TMEM108: variants seen among roughly 807,000 people sequenced by gnomAD.
TMEM108 encodes the protein cancer/testis antigen 124.
Under a neutral mutation model 35.1 loss-of-function variants are expected in TMEM108, and 12 were observed. That is an observed-to-expected ratio of 0.34 (90% CI 0.22 to 0.55). The LOEUF (loss-of-function observed/expected upper bound fraction) is 0.55, where lower values mean the gene tolerates loss of function less well. Ranked by LOEUF, TMEM108 falls within the 20% of genes least tolerant of loss-of-function variation. TMEM108 has a pLI of 0.89. For missense variants in TMEM108, 680 were observed against 753.3 expected, an observed-to-expected ratio of 0.90 and a Z score of 1.14; for synonymous variants, 287 against 308.6, an observed-to-expected ratio of 0.93 and a Z score of 0.73.
intron 2 of TMEM108, among the ~76,000 whole-genome samples, chr3:133,175,849 A>G (rs1210610206): frequency 1.3e-5 from 2 of 152,254 alleles, no homozygotes; most frequent in African/African-American, 2.4e-5. Flanking sequence ...AATGGGCTAA[A>G]TGCTTCAATT....
At chr3:133,127,654 T>TA (rs1944434504) in intron 2 of TMEM108, among the ~76,000 whole-genome samples, 1 of 152,202 alleles carries the variant, frequency 6.6e-6, no homozygotes, top group African/African-American at 2.4e-5. Flanking sequence ...AGGCTCCTCT[T>TA]GTCTTCCACT....
intron 2 of TMEM108, among the ~76,000 whole-genome samples, chr3:133,175,106 T>C (rs1945196933): frequency 6.6e-6 from 1 of 151,824 alleles, no homozygotes; most frequent in African/African-American, 2.4e-5. Context: ...TGAAATGAAG[T>C]GAGAAGGGAA....
intron 2 of TMEM108, among the ~76,000 whole-genome samples, chr3:133,067,153 AC>A (rs1230407317): frequency 6.6e-6 from 1 of 152,186 alleles, no homozygotes; most frequent in African/African-American, 2.4e-5. Context: ...TTTTAGAATT[AC>A]CAATTTGTTG....
At chr3:133,081,810 A>C (rs1320768244) in intron 2 of TMEM108, among the ~76,000 whole-genome samples, 7 of 152,208 alleles carry the variant, frequency 4.6e-5, no homozygotes, top group Admixed American at 3.9e-4. Flanking sequence ...CAAGTGAGAC[A>C]CATGAAAAAG....
At chr3:133,174,467 T>A (rs1421457065) in intron 2 of TMEM108, among the ~76,000 whole-genome samples, 1 of 152,178 alleles carries the variant, frequency 6.6e-6, no homozygotes, top group African/African-American at 2.4e-5. Context: ...CGGATACTCC[T>A]CTGAGACAAA....
chr3:133,277,066 G>A (rs1946848427), intron 3 of TMEM108, among the ~76,000 whole-genome samples: 1 of 152,012 alleles, frequency 6.6e-6, no homozygotes, highest in African/African-American at 2.4e-5. Context: ...TCAGATCAAA[G>A]GAGACTAAAA....
intron 2 of TMEM108, among the ~76,000 whole-genome samples, chr3:133,198,084 AAGAG>A (rs1945606103): frequency 6.6e-6 from 1 of 152,188 alleles, no homozygotes; most frequent in Admixed American, 6.5e-5. Context: ...CCTGAGGTAC[AAGAG>A]AGAGCTCAGA....
At position 133,396,975 on chromosome 3, in the gene TMEM108, T is replaced by C. The variant is rs2073314189; in HGVS notation, c.*989T>C. The C allele has an allele frequency of 6.6e-6, 1 of 152,146 alleles. No homozygotes were observed. Among genetic ancestry groups the C allele is most frequent in the South Asian group, 2.1e-4 (1 of 4,826 alleles). The allele number at this position is 152,146 out of a possible 1,614,324, so 9.4% of individuals were successfully genotyped here. The stretch of plus-strand genomic sequence containing the variant: ...AATCTTTAAAAAAGAAAAAAAAGAT[T>C]GCCCAAACAAATCATTTGGGAGAAG... On this transcript the variant is annotated 3_prime_UTR_variant, in exon 6 of 6. Coordinates refer to ENST00000321871, the MANE Select transcript of TMEM108 (RefSeq NM_023943.4).
intron 2 of TMEM108, among the ~76,000 whole-genome samples, chr3:133,077,867 T>A (rs1943760575): frequency 6.6e-6 from 1 of 152,120 alleles, no homozygotes; most frequent in South Asian, 2.1e-4. Context: ...GAGCTCTTGC[T>A]CCCAGGCTGA....
intron 2 of TMEM108, among the ~76,000 whole-genome samples, chr3:133,160,146 G>T (rs1944940544): frequency 1.3e-5 from 2 of 152,312 alleles, no homozygotes; most frequent in African/African-American, 4.8e-5. Flanking sequence ...CACCCTCCAG[G>T]TAGGCAGGCT....
chr3:133,295,555 G>A (rs1407315026), intron 3 of TMEM108, among the ~76,000 whole-genome samples: 1 of 152,144 alleles, frequency 6.6e-6, no homozygotes, highest in Non-Finnish European at 1.5e-5. Context: ...ATCTAGAAAG[G>A]CCCTCCTTAC....
intron 2 of TMEM108, among the ~76,000 whole-genome samples, chr3:133,126,507 A>T (rs1944419732): frequency 6.7e-6 from 1 of 149,888 alleles, no homozygotes; most frequent in South Asian, 2.1e-4. Context: ...TGGTGGTCTT[A>T]TCTAGACCCT....
chr3:133,273,355 A>G (rs915870852), intron 3 of TMEM108, among the ~76,000 whole-genome samples: 1 of 152,092 alleles, frequency 6.6e-6, no homozygotes, highest in Non-Finnish European at 1.5e-5. Context: ...AGACTCTTAG[A>G]TTCTTTCTTT....
At chr3:133,226,476 G>A (rs1946072723) in intron 2 of TMEM108, among the ~76,000 whole-genome samples, 1 of 152,188 alleles carries the variant, frequency 6.6e-6, no homozygotes, top group African/African-American at 2.4e-5. Flanking sequence ...ACTAGAGTCA[G>A]GTTGGAATTT....
At chr3:133,212,170 T>C (rs1462950074) in intron 2 of TMEM108, among the ~76,000 whole-genome samples, 1 of 152,180 alleles carries the variant, frequency 6.6e-6, no homozygotes, top group African/African-American at 2.4e-5. Context: ...TTCTGAATTA[T>C]GAAAGCCTCT....
At chr3:133,320,711 G>A (rs79911025) in intron 3 of TMEM108, among the ~76,000 whole-genome samples, 6,800 of 152,202 alleles carry the variant, frequency 0.045, 499 homozygotes, top group African/African-American at 0.15. Flanking sequence ...ACCCAGGTGC[G>A]TAATCATCAG....
rs369228472 is a variant in TMEM108, at chr3:133,181,008, T to TAAAAAA, written c.-46-48233_-46-48228dup. ...TGTACTGGCTATTGGGCAGTTGTGT[T>TAAAAAA]AAAAAAAAAAAAAAAAAAAAAAAAA... On this transcript the variant is annotated intron_variant, in intron 2 of 5. Coordinates refer to ENST00000321871, the MANE Select transcript of TMEM108 (RefSeq NM_023943.4). Among the ~76,000 whole-genome samples, 436 of 75,800 alleles carry TAAAAAA rather than the reference T, an allele frequency of 5.8e-3. 60 individuals carry two copies. The highest frequency in any genetic ancestry group is 0.013 in the African/African-American group (251 of 19,494). 49.7% of individuals were successfully genotyped at this position (75,800 alleles called of 152,430 possible). A position where few individuals can be genotyped will look rare whatever the true frequency, so the allele number is the denominator to read the frequency against.
At chr3:133,283,365 C>A (rs1946942101) in intron 3 of TMEM108, among the ~76,000 whole-genome samples, 1 of 152,128 alleles carries the variant, frequency 6.6e-6, no homozygotes, top group East Asian at 1.9e-4. Flanking sequence ...CCATGTATTC[C>A]ATCCTGGACA....
At chr3:133,283,844 C>T (rs980988381) in intron 3 of TMEM108, among the ~76,000 whole-genome samples, 3 of 152,120 alleles carry the variant, frequency 2.0e-5, no homozygotes, top group Admixed American at 1.3e-4. Context: ...TCATATGCCA[C>T]GTATTTAGTG....
Sources: allele counts gnomAD v4.1 joint callset (sites outside exome capture counted in the v4.1 genomes callset), GRCh38; gene constraint gnomAD v4.1.1; transcripts MANE v1.5; gene names NCBI Gene and HGNC (gene_info 2026-07-23, HGNC 2026-07-21).